Variants in RORA observed in about 807,000 individuals in gnomAD.
RORA encodes RAR related orphan receptor A, also known as nuclear receptor ROR-alpha.
RORA carries 7 observed loss-of-function variants against 69.5 expected under a neutral mutation model. The ratio of observed to expected loss-of-function variants is 0.10; its 90% CI spans 0.06 to 0.19. The LOEUF (loss-of-function observed/expected upper bound fraction) is 0.19, where lower values mean the gene tolerates loss of function less well. RORA is among the 10% of genes least tolerant of loss of function. The pLI, the probability that RORA is intolerant of heterozygous loss-of-function variation, is 1.00. For synonymous variants in RORA, 261 were observed against 240.8 expected, an observed-to-expected ratio of 1.08 and a Z score of -0.78; for missense variants, 457 against 663.0, an observed-to-expected ratio of 0.69 and a Z score of 3.41.
intron 1 of RORA, among the ~76,000 whole-genome samples, chr15:60,990,448 A>G (rs1025929655): frequency 2.6e-5 from 4 of 152,214 alleles, no homozygotes; most frequent in Non-Finnish European, 4.4e-5. Context: ...AAACAAAATA[A>G]AAAGTAAAAT....
intron 2 of RORA, among the ~76,000 whole-genome samples, chr15:60,605,713 G>C (rs2068929804): frequency 6.6e-6 from 1 of 152,160 alleles, no homozygotes; most frequent in Non-Finnish European, 1.5e-5. Context: ...TGATTACAAA[G>C]CAAAACAGAT....
At chr15:60,607,883 C>T (rs1020136362) in intron 2 of RORA, among the ~76,000 whole-genome samples, 3 of 152,206 alleles carry the variant, frequency 2.0e-5, no homozygotes, top group African/African-American at 7.2e-5. Context: ...CACAACTTGG[C>T]GTTGTTTCCA....
rs977320853 is a variant in RORA at position 60,770,227 on chromosome 15, T to C, written c.167-91541A>G. Reference sequence around the variant, plus strand: ...AAAAAAGATATTCCTTTTTTTTTCTTGGAGAAAAGAGATTTTAATGAAAAT... The same window carrying C: ...AAAAAAGATATTCCTTTTTTTTTCTCGGAGAAAAGAGATTTTAATGAAAAT... On this transcript the variant is annotated intron_variant, in intron 1 of 10. Transcript: ENST00000335670. Among the ~76,000 whole-genome samples the C allele has an allele frequency of 2.6e-5, 4 of 152,330 alleles. No individual in the cohort carries two copies. In the South Asian group the frequency reaches 6.2e-4, roughly 24 times the overall value.
chr15:60,882,991 C>G (rs901950937), intron 1 of RORA, among the ~76,000 whole-genome samples: 2 of 151,622 alleles, frequency 1.3e-5, no homozygotes, highest in Non-Finnish European at 2.9e-5. Context: ...ATTAGCTGGT[C>G]TTGGTGGCAG....
rs145220554 is a variant in RORA at position 60,948,185 on chromosome 15, G to A, written c.167-269499C>T. ...GGGAGCATTTAAAGTTCTTTCCAGA[G>A]GATGGATGGGGACAAAACTACCTGG... On this transcript the variant is annotated intron_variant, in intron 1 of 10. Transcript: ENST00000335670. Among the ~76,000 whole-genome samples the A allele has an allele frequency of 5.8e-3, 883 of 152,080 alleles. 10 individuals carry two copies. The highest frequency in any genetic ancestry group is 0.02 in the African/African-American group (840 of 41,470).
At chr15:60,635,377 A>T (rs556204880) in intron 2 of RORA, among the ~76,000 whole-genome samples, 1 of 152,168 alleles carries the variant, frequency 6.6e-6, no homozygotes, top group African/African-American at 2.4e-5. Flanking sequence ...AAAGGGGGAG[A>T]ACTAAATGCA....
chr15:60,701,691 T>G (rs1229665199), intron 1 of RORA, among the ~76,000 whole-genome samples: 2 of 152,198 alleles, frequency 1.3e-5, no homozygotes, highest in African/African-American at 4.8e-5. Context: ...GCTGTGATTT[T>G]TCCTGCCCTT....
chr15:60,642,045 A>G (rs912480699), intron 2 of RORA, among the ~76,000 whole-genome samples: 1 of 152,204 alleles, frequency 6.6e-6, no homozygotes, highest in Non-Finnish European at 1.5e-5. Flanking sequence ...GTGACCCCAC[A>G]ATATAACACA....
intron 2 of RORA, among the ~76,000 whole-genome samples, chr15:60,625,555 T>G (rs951300481): frequency 6.6e-6 from 1 of 152,202 alleles, no homozygotes; most frequent in African/African-American, 2.4e-5. Context: ...GAAAACAAAT[T>G]AAAAATTTAT....
chr15:60,779,628 T>C (rs1451108479), intron 1 of RORA, among the ~76,000 whole-genome samples: 1 of 152,246 alleles, frequency 6.6e-6, no homozygotes, highest in African/African-American at 2.4e-5. Flanking sequence ...TATGAACCTG[T>C]TGGCTAATGT....
intron 2 of RORA, among the ~76,000 whole-genome samples, chr15:60,597,555 TATATATATATATATATATACAC>T (rs1298925102): frequency 5.9e-4 from 15 of 25,592 alleles, no homozygotes; most frequent in African/African-American, 1.4e-3. Context: ...ACACAACATA[TATATATATATATATATATACAC>T]ATATATATAT....
intron 1 of RORA, among the ~76,000 whole-genome samples, chr15:60,683,940 T>C (rs1409302141): frequency 2.0e-5 from 3 of 152,206 alleles, no homozygotes; most frequent in African/African-American, 7.2e-5. Flanking sequence ...TAGGGAAGTT[T>C]CATTATAGTC....
At chr15:61,048,562 C>T (rs902606443) in intron 1 of RORA, among the ~76,000 whole-genome samples, 4 of 152,210 alleles carry the variant, frequency 2.6e-5, no homozygotes, top group South Asian at 2.1e-4. Context: ...CCTGAAAGCC[C>T]GGTGAGCGTC....
intron 2 of RORA, among the ~76,000 whole-genome samples, chr15:60,630,920 C>T (rs1355897821): frequency 1.9e-5 from 2 of 105,884 alleles, no homozygotes; most frequent in African/African-American, 4.0e-5. Flanking sequence ...CGGAGTCTCG[C>T]TCTGTCACCA....
At chr15:60,765,184 A>AT (rs1360229650) in intron 1 of RORA, 2 of 152,072 alleles carry the variant, frequency 1.3e-5, no homozygotes, top group African/African-American at 2.4e-5. Context: ...GATACAGGCT[A>AT]TTTTTGAACG....
chr15:61,072,891 T>A (rs935076769), intron 1 of RORA, among the ~76,000 whole-genome samples: 2 of 152,206 alleles, frequency 1.3e-5, no homozygotes, highest in Non-Finnish European at 2.9e-5. Flanking sequence ...GCATGGCCCA[T>A]AATAAAAGTG....
chr15:60,597,600 A>G (rs2068718162), intron 2 of RORA, among the ~76,000 whole-genome samples: 1 of 43,714 alleles, frequency 2.3e-5, no homozygotes, highest in East Asian at 1.7e-3. Flanking sequence ...ATATACACAT[A>G]TATATATATA....
chr15:61,068,843 T>G (rs748514782), intron 1 of RORA, among the ~76,000 whole-genome samples: 2 of 152,182 alleles, frequency 1.3e-5, no homozygotes, highest in Admixed American at 1.3e-4. Flanking sequence ...CTCCACTCAG[T>G]GAGATGCAGA....
chr15:60,613,183 A>G (rs866930748), intron 2 of RORA, among the ~76,000 whole-genome samples: 8 of 152,196 alleles, frequency 5.3e-5, no homozygotes, highest in African/African-American at 1.9e-4. Context: ...GGTCTCCTGT[A>G]TAACATGTAT....
Sources: gnomAD v4.1 joint callset for allele counts (sites outside exome capture counted in the v4.1 genomes callset) on GRCh38, gnomAD v4.1.1 for gene constraint, MANE v1.5 for transcripts, NCBI Gene and HGNC (gene_info 2026-07-23, HGNC 2026-07-21) for gene names.